STX12: variants seen among roughly 807,000 people sequenced by gnomAD.
The protein encoded by STX12 is syntaxin 12.
A neutral mutation model predicts 42.2 loss-of-function variants in STX12; 17 were observed. The ratio of observed to expected loss-of-function variants is 0.40; its 90% CI spans 0.28 to 0.60. The LOEUF (loss-of-function observed/expected upper bound fraction) is 0.60. STX12 is among the 20% of genes least tolerant of loss of function. STX12 has a pLI of 0.39. For synonymous variants in STX12, 108 were observed against 116.7 expected (o/e 0.93, Z 0.48); for missense variants, 297 against 330.9 (o/e 0.90, Z 0.79).
chr1:27,788,099 A>G (rs2088711195), intron 1 of STX12, among the ~76,000 whole-genome samples: 1 of 152,118 alleles, frequency 6.6e-6, no homozygotes, highest in Admixed American at 6.6e-5. Flanking sequence ...GTGTTATGTG[A>G]TTTCTTGAAG....
At chr1:27,800,424 G>C (rs577419916) in intron 3 of STX12, among the ~76,000 whole-genome samples, 2 of 151,942 alleles carry the variant, frequency 1.3e-5, no homozygotes, top group African/African-American at 2.4e-5. Context: ...ATAGACAGCT[G>C]TTTGAGGTCA....
At chr1:27,778,457 G>A (rs746415634) in intron 1 of STX12, among the ~76,000 whole-genome samples, 9 of 152,128 alleles carry the variant, frequency 5.9e-5, no homozygotes, top group Non-Finnish European at 7.3e-5. Flanking sequence ...TTGGGAGGCC[G>A]AGGCGATCGG....
At chr1:27,777,377 T>G (rs1038930363) in intron 1 of STX12, among the ~76,000 whole-genome samples, 5 of 152,130 alleles carry the variant, frequency 3.3e-5, no homozygotes, top group Non-Finnish European at 5.9e-5. Flanking sequence ...AGGAGGCTAG[T>G]TTGGCTGGAG....
intron 1 of STX12, among the ~76,000 whole-genome samples, chr1:27,784,468 C>A (rs536634289): frequency 6.6e-6 from 1 of 152,304 alleles, no homozygotes; most frequent in Admixed American, 6.5e-5. Flanking sequence ...GATCTGCCCA[C>A]CTTGGCCTCC....
At chr1:27,783,548 T>C (rs1235088828) in intron 1 of STX12, among the ~76,000 whole-genome samples, 1 of 152,024 alleles carries the variant, frequency 6.6e-6, no homozygotes, top group Non-Finnish European at 1.5e-5. Context: ...TGGCCAGCCT[T>C]GTCTCAAAAC....
chr1:27,794,215 C>T (rs1050944439), intron 3 of STX12, among the ~76,000 whole-genome samples: 17 of 152,044 alleles, frequency 1.1e-4, no homozygotes, highest in Non-Finnish European at 1.9e-4. Flanking sequence ...TTTGTACAGA[C>T]ATGGTCTTGC....
chr1:27,783,183 C>T (rs1310131335), intron 1 of STX12, among the ~76,000 whole-genome samples: 3 of 152,102 alleles, frequency 2.0e-5, no homozygotes, highest in Non-Finnish European at 2.9e-5. Flanking sequence ...AAAGAATTTT[C>T]AGTTTAGAGT....
At chr1:27,789,792 ATAT>A (rs778852529) in intron 2 of STX12, among the ~76,000 whole-genome samples, 161 bp downstream of exon 2, 3 of 152,214 alleles carry the variant, frequency 2.0e-5, no homozygotes, top group Non-Finnish European at 4.4e-5. Context: ...GCAACAAAGT[ATAT>A]TAATGGATTG....
chr1:27,814,820 A>G (rs1420053122), intron 6 of STX12, among the ~76,000 whole-genome samples: 1 of 150,208 alleles, frequency 6.7e-6, no homozygotes, highest in Non-Finnish European at 1.5e-5. Flanking sequence ...GCCTGGCAAC[A>G]GAGCGAGACT....
intron 4 of STX12, among the ~76,000 whole-genome samples, chr1:27,809,333 CAAAAA>C (rs1208072414): frequency 8.8e-6 from 1 of 113,952 alleles, no homozygotes; most frequent in African/African-American, 3.3e-5. Flanking sequence ...GATTCCATCT[CAAAAA>C]AAAAAAAAGA....
chr1:27,817,620 C>G (rs1210419930), intron 6 of STX12, among the ~76,000 whole-genome samples: 14 of 152,210 alleles, frequency 9.2e-5, no homozygotes. Context: ...GGCGCTCTTA[C>G]TGGTTCTCAT....
intron 3 of STX12, among the ~76,000 whole-genome samples, chr1:27,795,345 GC>G (rs1474480025): frequency 6.7e-6 from 1 of 150,216 alleles, no homozygotes; most frequent in Admixed American, 6.7e-5. Flanking sequence ...TTGCTCTGTC[GC>G]CCAGGCTGGA....
intron 6 of STX12, among the ~76,000 whole-genome samples, chr1:27,813,631 A>G (rs1351643360): frequency 6.6e-6 from 1 of 152,204 alleles, no homozygotes; most frequent in South Asian, 2.1e-4. Context: ...GTGAGTGCAC[A>G]TGAGGATCAC....
At chr1:27,800,438 G>T (rs1033651658) in intron 3 of STX12, among the ~76,000 whole-genome samples, 2 of 151,862 alleles carry the variant, frequency 1.3e-5, no homozygotes, top group African/African-American at 2.4e-5. Context: ...GAGGTCAGGG[G>T]TGAGTTTTTA....
At chr1:27,785,872 T>C (rs2088695410) in intron 1 of STX12, among the ~76,000 whole-genome samples, 1 of 152,162 alleles carries the variant, frequency 6.6e-6, no homozygotes, top group African/African-American at 2.4e-5. Flanking sequence ...GCCAGGGAGC[T>C]GGAGAAGGGA....
chr1:27,801,545 A>T, intron 3 of STX12, 133 bp from the exon 4 acceptor site: 1 of 954,138 alleles, frequency 1.0e-6, no homozygotes, highest in Non-Finnish European at 1.4e-6. Flanking sequence ...TTATTAATTT[A>T]AAGAAGAGAC....
chr1:27,804,332 A>G (rs2148604271), intron 4 of STX12, among the ~76,000 whole-genome samples: 1 of 151,858 alleles, frequency 6.6e-6, no homozygotes, highest in East Asian at 1.9e-4. Context: ...AGGCTGAGGC[A>G]GGAGAATCAC....
At chr1:27,822,092 G>T in intron 8 of STX12, 139 bp from the exon 9 acceptor site, 1 of 611,082 alleles carries the variant, frequency 1.6e-6, no homozygotes, top group South Asian at 2.0e-5. Flanking sequence ...AGATTTCTGG[G>T]AAAGTCTGTG....
At chr1:27,811,465 A>G (rs2088903447) in intron 5 of STX12, among the ~76,000 whole-genome samples, 1 of 152,120 alleles carries the variant, frequency 6.6e-6, no homozygotes, top group African/African-American at 2.4e-5. Context: ...AAAAAGTGTT[A>G]TAACATTTCA....
Sources: allele counts gnomAD v4.1 joint callset (sites outside exome capture counted in the v4.1 genomes callset), GRCh38; gene constraint gnomAD v4.1.1; transcripts MANE v1.5; gene names NCBI Gene and HGNC (gene_info 2026-07-23, HGNC 2026-07-21).